Variants in KIAA0825 observed in about 807,000 individuals in gnomAD.
The protein encoded by KIAA0825 is uncharacterized protein KIAA0825.
In KIAA0825, 119 loss-of-function variants were observed where a neutral mutation model predicts 147.6. That is an observed-to-expected ratio of 0.81 (90% CI 0.69 to 0.94). KIAA0825 has a LOEUF of 0.94. Ranked by LOEUF, KIAA0825 falls within the 40% of genes least tolerant of loss-of-function variation. The probability of loss-of-function intolerance (pLI) is 0.00; values close to 1 mark genes in which losing one functional copy is unlikely to be tolerated. For missense variants in KIAA0825, 1,381 were observed against 1,472.7 expected (o/e 0.94, Z 1.02); for synonymous variants, 470 against 518.1 (o/e 0.91, Z 1.26).
chr5:94,511,324 A>C (rs1338221090), intron 5 of KIAA0825, among the ~76,000 whole-genome samples: 1 of 152,214 alleles, frequency 6.6e-6, no homozygotes, highest in Non-Finnish European at 1.5e-5. Flanking sequence ...AGGCAAAAAC[A>C]AATAGGTGAA....
intron 20 of KIAA0825, among the ~76,000 whole-genome samples, chr5:94,351,468 T>C (rs1344219006): frequency 1.3e-5 from 2 of 152,210 alleles, no homozygotes; most frequent in East Asian, 3.8e-4. Flanking sequence ...ACACATCCCA[T>C]GCTCATAGAT....
chr5:94,455,937 T>C (rs960735222), intron 12 of KIAA0825, among the ~76,000 whole-genome samples: 3 of 152,076 alleles, frequency 2.0e-5, no homozygotes, highest in Non-Finnish European at 4.4e-5. Flanking sequence ...TCTAAAAGTG[T>C]ACCAGAGTCT....
At chr5:94,613,843 G>A (rs935702271) in intron 1 of KIAA0825, among the ~76,000 whole-genome samples, 2 of 152,198 alleles carry the variant, frequency 1.3e-5, no homozygotes, top group Non-Finnish European at 2.9e-5. Context: ...AGGTGAGAGG[G>A]AGGCTAACGC....
chr5:94,583,708 G>A (rs1782685826), intron 1 of KIAA0825, among the ~76,000 whole-genome samples: 1 of 152,160 alleles, frequency 6.6e-6, no homozygotes, highest in African/African-American at 2.4e-5. Context: ...TCCAATAATG[G>A]ACAGACTGCC....
At chr5:94,400,621 A>G (rs1366748538) in intron 16 of KIAA0825, among the ~76,000 whole-genome samples, 10 of 152,184 alleles carry the variant, frequency 6.6e-5, no homozygotes. Context: ...TACTGTTGAG[A>G]AAATATCTTC....
chr5:94,380,489 G>A (rs1748247586), intron 20 of KIAA0825, among the ~76,000 whole-genome samples: 1 of 152,210 alleles, frequency 6.6e-6, no homozygotes, highest in South Asian at 2.1e-4. Flanking sequence ...CCAGGATAAG[G>A]CAAACAAGGT....
intron 20 of KIAA0825, among the ~76,000 whole-genome samples, chr5:94,200,946 C>CATATATAT (rs34842887): frequency 0.015 from 1,587 of 103,732 alleles, 34 homozygotes; most frequent in South Asian, 0.02. Flanking sequence ...AGAATTTAAA[C>CATATATAT]ATATATATAT....
chr5:94,290,046 TG>T (rs1210865720), intron 20 of KIAA0825, among the ~76,000 whole-genome samples: 2 of 151,070 alleles, frequency 1.3e-5, no homozygotes, highest in Non-Finnish European at 1.5e-5. Context: ...TTTTACTGAT[TG>T]AAAAAAAAAT....
chr5:94,525,836 C>G (rs1769174265), intron 3 of KIAA0825, among the ~76,000 whole-genome samples: 1 of 151,926 alleles, frequency 6.6e-6, no homozygotes, highest in African/African-American at 2.4e-5. Context: ...TAGGGTAAAG[C>G]CTTTAGAGGG....
intron 3 of KIAA0825, among the ~76,000 whole-genome samples, chr5:94,530,828 A>C (rs529449081): frequency 5.1e-4 from 77 of 152,274 alleles, no homozygotes; most frequent in African/African-American, 1.7e-3. Context: ...TGTTACATCA[A>C]GGGTCGGGGC....
intron 20 of KIAA0825, among the ~76,000 whole-genome samples, chr5:94,303,790 C>A (rs1778550375): frequency 6.6e-6 from 1 of 151,998 alleles, no homozygotes; most frequent in African/African-American, 2.4e-5. Flanking sequence ...TGGTGAGGCT[C>A]CCCTGCACCA....
chr5:94,362,782 C>G (rs1745257829), intron 20 of KIAA0825, among the ~76,000 whole-genome samples: 1 of 152,212 alleles, frequency 6.6e-6, no homozygotes, highest in Non-Finnish European at 1.5e-5. Flanking sequence ...AATGAACAAA[C>G]AGTCACAGAT....
intron 20 of KIAA0825, among the ~76,000 whole-genome samples, chr5:94,187,407 T>G (rs1770229450): frequency 6.7e-6 from 1 of 148,820 alleles, no homozygotes; most frequent in Admixed American, 6.6e-5. Flanking sequence ...AAGGAGTTTT[T>G]TTTTTTTTTT....
chr5:94,598,295 C>T (rs1277284125), intron 1 of KIAA0825, among the ~76,000 whole-genome samples: 2 of 151,972 alleles, frequency 1.3e-5, no homozygotes, highest in African/African-American at 4.8e-5. Context: ...AAGAAACACA[C>T]ACACATATTA....
intron 20 of KIAA0825, among the ~76,000 whole-genome samples, chr5:94,272,354 T>C (rs1777031892): frequency 3.3e-5 from 5 of 152,106 alleles, no homozygotes. Context: ...ACTGGAATGT[T>C]TGTAACACAA....
chr5:94,282,643 A>G (rs932106831), intron 20 of KIAA0825, among the ~76,000 whole-genome samples: 5 of 152,142 alleles, frequency 3.3e-5, no homozygotes, highest in African/African-American at 1.2e-4. Flanking sequence ...GACTATTTCA[A>G]ATAATGTCAG....
intron 2 of KIAA0825, among the ~76,000 whole-genome samples, chr5:94,541,308 C>T (rs772189945): frequency 6.6e-5 from 10 of 152,130 alleles, no homozygotes; most frequent in Non-Finnish European, 1.5e-4. Flanking sequence ...AAGGTTTTTA[C>T]CAAAAGTAAA....
chr5:94,490,932 A>G (rs1184583744), intron 5 of KIAA0825, among the ~76,000 whole-genome samples: 2 of 152,228 alleles, frequency 1.3e-5, no homozygotes, highest in Non-Finnish European at 2.9e-5. Flanking sequence ...AATAAATATC[A>G]AAGTCCAGCT....
intron 13 of KIAA0825, among the ~76,000 whole-genome samples, chr5:94,446,740 G>A (rs1757777070): frequency 6.6e-6 from 1 of 152,078 alleles, no homozygotes; most frequent in Non-Finnish European, 1.5e-5. Context: ...ATTCATGGAA[G>A]GTAAGCCATA....
Sources: allele counts gnomAD v4.1 joint callset (sites outside exome capture counted in the v4.1 genomes callset), GRCh38; gene constraint gnomAD v4.1.1; transcripts MANE v1.5; gene names NCBI Gene and HGNC (gene_info 2026-07-23, HGNC 2026-07-21).